Variants in MACROD2 observed in about 807,000 individuals in gnomAD.
The protein encoded by MACROD2 is ADP-ribose glycohydrolase MACROD2.
In MACROD2, 36 loss-of-function variants were observed where a neutral mutation model predicts 70.4. The observed-to-expected ratio is 0.51, with a 90% CI of 0.39 to 0.68. The LOEUF (loss-of-function observed/expected upper bound fraction) is 0.68, where lower values mean the gene tolerates loss of function less well. Ranked by LOEUF, MACROD2 falls within the 30% of genes least tolerant of loss-of-function variation. The pLI is 0.00. For missense variants in MACROD2, 496 were observed against 538.4 expected (o/e 0.92, Z 0.78); for synonymous variants, 172 against 178.8 (o/e 0.96, Z 0.30).
At chr20:15,315,623 A>T (rs2077801232) in intron 6 of MACROD2, among the ~76,000 whole-genome samples, 1 of 152,216 alleles carries the variant, frequency 6.6e-6, no homozygotes, top group Non-Finnish European at 1.5e-5. Flanking sequence ...AAAATGGAGA[A>T]ATTAAGACAT....
At chr20:14,441,705 A>G (rs1416883465) in intron 3 of MACROD2, among the ~76,000 whole-genome samples, 1 of 152,162 alleles carries the variant, frequency 6.6e-6, no homozygotes, top group Non-Finnish European at 1.5e-5. Context: ...TGATACCCAA[A>G]TGGCCTGGAA....
intron 3 of MACROD2, among the ~76,000 whole-genome samples, chr20:14,367,805 G>A (rs933558729): frequency 4.0e-5 from 6 of 151,882 alleles, no homozygotes; most frequent in Non-Finnish European, 7.4e-5. Context: ...GTGCATTTAT[G>A]TATTTTTCAA....
chr20:15,945,898 G>A (rs1398041115), intron 12 of MACROD2, among the ~76,000 whole-genome samples: 1 of 152,046 alleles, frequency 6.6e-6, no homozygotes, highest in African/African-American at 2.4e-5. Context: ...TGCCTGAGTG[G>A]GTAGGATGCA....
At chr20:14,408,972 A>T (rs2083719500) in intron 3 of MACROD2, among the ~76,000 whole-genome samples, 1 of 152,102 alleles carries the variant, frequency 6.6e-6, no homozygotes, top group Non-Finnish European at 1.5e-5. Flanking sequence ...ACTACTACAT[A>T]TAGAGCCTTC....
chr20:15,991,477 T>G (rs576927629), intron 15 of MACROD2, among the ~76,000 whole-genome samples: 44 of 152,326 alleles, frequency 2.9e-4, no homozygotes, highest in African/African-American at 1.1e-3. Context: ...ACAGAATACC[T>G]GTGTATTACA....
intron 8 of MACROD2, among the ~76,000 whole-genome samples, chr20:15,511,241 A>C (rs1465336): frequency 0.35 from 52,928 of 152,176 alleles, 10,175 homozygotes; most frequent in East Asian, 0.46. Flanking sequence ...AAAAATATTT[A>C]AATGATATCA....
At chr20:15,040,270 G>A (rs1179156919) in intron 5 of MACROD2, among the ~76,000 whole-genome samples, 4 of 151,190 alleles carry the variant, frequency 2.6e-5, no homozygotes, top group East Asian at 1.9e-4. Flanking sequence ...AGTCGAGATC[G>A]CGCCACTGCA....
rs374248290 is a variant in MACROD2 at position 14,457,740 on chromosome 20, G to A, written c.272-35739G>A. The stretch of plus-strand genomic sequence containing the variant: ...ATGATCCGTTAATGATGTCCACAGC[G>A]GGGGCTGCAAGACATCTTACTGACA... On this transcript the variant is annotated intron_variant, in intron 3 of 17. Coordinates refer to ENST00000684519, the MANE Select transcript of MACROD2 (RefSeq NM_001351661.2). Among the ~76,000 whole-genome samples, 11 of 152,086 alleles carry A rather than the reference G, an allele frequency of 7.2e-5. No individual in the cohort carries two copies. In the East Asian group the frequency reaches 1.3e-3, roughly 19 times the overall value.
At chr20:15,663,793 C>T (rs1369320888) in intron 8 of MACROD2, among the ~76,000 whole-genome samples, 3 of 152,106 alleles carry the variant, frequency 2.0e-5, no homozygotes, top group African/African-American at 7.2e-5. Context: ...GCATTTTCTC[C>T]CCTCTGAATG....
At chr20:15,304,372 G>T (rs1286005139) in intron 6 of MACROD2, among the ~76,000 whole-genome samples, 1 of 152,080 alleles carries the variant, frequency 6.6e-6, no homozygotes. Context: ...TTATAAGTTG[G>T]TCAACATTTA....
chr20:15,785,442 C>A (rs914628989), intron 8 of MACROD2, among the ~76,000 whole-genome samples: 3 of 152,042 alleles, frequency 2.0e-5, no homozygotes, highest in African/African-American at 7.2e-5. Flanking sequence ...TCCTGAAAGA[C>A]GTATCTAAGA....
intron 13 of MACROD2, among the ~76,000 whole-genome samples, chr20:15,971,245 T>C (rs2066225788): frequency 6.6e-6 from 1 of 152,168 alleles, no homozygotes; most frequent in Admixed American, 6.5e-5. Flanking sequence ...TTCTCTGATA[T>C]GGTTTGGCTG....
intron 8 of MACROD2, among the ~76,000 whole-genome samples, chr20:15,612,552 C>T (rs1160415861): frequency 2.6e-5 from 4 of 152,130 alleles, no homozygotes; most frequent in African/African-American, 7.2e-5. Flanking sequence ...TCATAGGACA[C>T]GTAGCAAAAT....
At chr20:15,658,745 C>T (rs2049771656) in intron 8 of MACROD2, among the ~76,000 whole-genome samples, 1 of 152,166 alleles carries the variant, frequency 6.6e-6, no homozygotes, top group African/African-American at 2.4e-5. Flanking sequence ...CAAGGCTCAG[C>T]TCTGTGGGAG....
intron 8 of MACROD2, among the ~76,000 whole-genome samples, chr20:15,506,775 T>C (rs2047431106): frequency 6.6e-6 from 1 of 152,250 alleles, no homozygotes; most frequent in East Asian, 1.9e-4. Context: ...AAAGGCATAA[T>C]GTGCCATCCT....
intron 5 of MACROD2, among the ~76,000 whole-genome samples, chr20:15,081,969 A>G (rs971771532): frequency 2.6e-5 from 4 of 152,330 alleles, no homozygotes; most frequent in South Asian, 2.1e-4. Flanking sequence ...TCCAGGAGGT[A>G]TGAAAATGGA....
At chr20:15,509,671 A>G (rs2047473868) in intron 8 of MACROD2, among the ~76,000 whole-genome samples, 1 of 152,162 alleles carries the variant, frequency 6.6e-6, no homozygotes, top group Non-Finnish European at 1.5e-5. Context: ...TATAACCACC[A>G]CTGTGTACCC....
Position 14,875,594 on chromosome 20 carries a change from G to A in MACROD2, c.418+190635G>A, listed in dbSNP as rs111822274. Among the ~76,000 whole-genome samples, 629 of 152,122 alleles carry A rather than the reference G, an allele frequency of 4.1e-3. 2 individuals are homozygous for A. Among genetic ancestry groups the A allele is most frequent in the African/African-American group, 0.014 (593 of 41,514 alleles). On this transcript the variant is annotated intron_variant, in intron 5 of 17. Transcript: ENST00000684519. ...CATATTATCCCATCACCCAAGTAGTGAGCTTAGTACCCAATAGGTAGTTTT... is the reference window on the plus strand; with the variant it reads ...CATATTATCCCATCACCCAAGTAGTAAGCTTAGTACCCAATAGGTAGTTTT...
chr20:15,088,946 C>T (rs147595986), intron 5 of MACROD2, among the ~76,000 whole-genome samples: 205 of 152,060 alleles, frequency 1.3e-3, no homozygotes, highest in African/African-American at 4.4e-3. Context: ...AGTACCTATT[C>T]AGGTATTGCT....
Sources: allele counts gnomAD v4.1 joint callset (sites outside exome capture counted in the v4.1 genomes callset), GRCh38; gene constraint gnomAD v4.1.1; transcripts MANE v1.5; gene names NCBI Gene and HGNC (gene_info 2026-07-23, HGNC 2026-07-21).